NEK9: variants seen among roughly 807,000 people sequenced by gnomAD.
NEK9 encodes serine/threonine-protein kinase Nek9.
NEK9 carries 75 observed loss-of-function variants against 123.4 expected under a neutral mutation model. That is an observed-to-expected ratio of 0.61 (90% CI 0.50 to 0.74). NEK9 has a LOEUF of 0.74. Among genes scored for constraint, NEK9 ranks in the 30% least tolerant of loss-of-function variants. NEK9 has a pLI of 0.00. For synonymous variants in NEK9, 438 were observed against 458.7 expected, an observed-to-expected ratio of 0.95 and a Z score of 0.58; for missense variants, 952 against 1,214.4, an observed-to-expected ratio of 0.78 and a Z score of 3.21.
chr14:75,084,870 C>T, intron 21 of NEK9, 184 bp from the exon 22 acceptor site: 1 of 639,442 alleles, frequency 1.6e-6, no homozygotes, highest in Non-Finnish European at 2.6e-6. Context: ...TTTATATTTA[C>T]TGCAGGTAGG....
At chr14:75,090,494 TATC>T (rs1318878350) in intron 19 of NEK9, among the ~76,000 whole-genome samples, 1 of 152,108 alleles carries the variant, frequency 6.6e-6, no homozygotes, top group Admixed American at 6.6e-5. Flanking sequence ...CATACAGATA[TATC>T]ATCCTCTTCT....
intron 19 of NEK9, 55 bp downstream of exon 19, chr14:75,091,215 A>G: frequency 6.9e-7 from 1 of 1,448,264 alleles, no homozygotes; most frequent in Non-Finnish European, 9.4e-7. Flanking sequence ...AGCTCTTTCT[A>G]GTTCCTGCAA....
Position 75,114,336 on chromosome 14 carries a change from T to C in NEK9, c.763-23A>G, listed in dbSNP as rs372408682. On this transcript the variant is annotated intron_variant, in intron 6 of 21. Coordinates refer to ENST00000238616, the MANE Select transcript of NEK9 (RefSeq NM_033116.6). ...GTTCTATGAGAAAATGATGACTGCATTGTTCCTGGTTATATAAAGATGATG... is the reference window on the plus strand; with the variant it reads ...GTTCTATGAGAAAATGATGACTGCACTGTTCCTGGTTATATAAAGATGATG... The C allele has an allele frequency of 3.2e-6, 5 of 1,546,780 alleles. No individual in the cohort carries two copies. The East Asian group carries it at 9.0e-5, about 28-fold the overall frequency.
At chr14:75,124,307 A>G in intron 1 of NEK9, 84 bp from the exon 2 acceptor site, 1 of 1,292,178 alleles carries the variant, frequency 7.7e-7, no homozygotes, top group South Asian at 1.3e-5. Flanking sequence ...GCCTAGAAGG[A>G]AAACTTCCTA....
intron 6 of NEK9, among the ~76,000 whole-genome samples, chr14:75,115,689 T>G (rs370622900): frequency 1.2e-3 from 187 of 152,322 alleles, no homozygotes; most frequent in African/African-American, 4.1e-3. Context: ...CAACTGGATA[T>G]GAATCCACTT....
At chr14:75,097,446 A>G (rs1894427835) in intron 16 of NEK9, among the ~76,000 whole-genome samples, 176 bp from the exon 17 acceptor site, 1 of 152,240 alleles carries the variant, frequency 6.6e-6, no homozygotes, top group Non-Finnish European at 1.5e-5. Flanking sequence ...TTGGGTAAAA[A>G]TGCCCACTCT....
At chr14:75,088,276 G>A (rs1215412626) in intron 20 of NEK9, among the ~76,000 whole-genome samples, 5 of 152,202 alleles carry the variant, frequency 3.3e-5, no homozygotes, top group African/African-American at 1.2e-4. Flanking sequence ...GTGTTAGCCT[G>A]TCAGAAATGT....
rs76638980 is a variant in NEK9, at chr14:75,079,454, A to G, written c.*5110T>C. The G allele has an allele frequency of 3.3e-5, 5 of 152,216 alleles. No homozygotes were observed. The highest frequency in any genetic ancestry group is 1.2e-4 in the African/African-American group (5 of 41,446). 9.4% of individuals were successfully genotyped at this position (152,216 alleles called of 1,614,324 possible). A position where few individuals can be genotyped will look rare whatever the true frequency, so the allele number is the denominator to read the frequency against. On this transcript the variant is annotated 3_prime_UTR_variant, in exon 22 of 22. Transcript: ENST00000238616. The stretch of plus-strand genomic sequence containing the variant: ...GAAACCTCACACAGAGATAATGGAT[A>G]TTTAACCTAATAGGTACATTCCCTA...
intron 18 of NEK9, among the ~76,000 whole-genome samples, chr14:75,093,242 C>T (rs181880450): frequency 8.0e-4 from 122 of 152,204 alleles, no homozygotes; most frequent in Non-Finnish European, 1.5e-3. Context: ...TGAACAGCAC[C>T]GATATGGAAC....
chr14:75,125,820 A>T (rs1005995581), intron 1 of NEK9, among the ~76,000 whole-genome samples: 2 of 152,210 alleles, frequency 1.3e-5, no homozygotes, highest in African/African-American at 4.8e-5. Flanking sequence ...CGACGGATGA[A>T]TCACCTTCAG....
chr14:75,120,624 C>A, intron 3 of NEK9, 44 bp from the exon 4 acceptor site: 3 of 1,463,946 alleles, frequency 2.0e-6, no homozygotes, highest in East Asian at 2.3e-5. Context: ...CAAAAAGCTC[C>A]ATTTAAGTAA....
At chr14:75,106,747 T>G in intron 11 of NEK9, 45 bp from the exon 12 acceptor site, 1 of 1,521,146 alleles carries the variant, frequency 6.6e-7, no homozygotes, top group South Asian at 1.2e-5. Flanking sequence ...ACTGACTTAT[T>G]TTATCTAATC....
At position 75,100,733 on chromosome 14, in the gene NEK9, G is replaced by A. The variant is rs144797626; in HGVS notation, c.2002+259C>T. 3.2e-3 allele frequency among the ~76,000 whole-genome samples: 488 copies of A among 152,262 alleles called. 1 individual carries two copies. Among genetic ancestry groups the A allele is most frequent in the Admixed American group, 5.8e-3 (89 of 15,292 alleles). ...TCTTATAACATTTTACCAAAAAAGT[G>A]AAAGCTGAAATGAAAAAAGGAGGAA... is the stretch of plus-strand genomic sequence containing the variant. On this transcript the variant is annotated intron_variant, in intron 16 of 21. Coordinates refer to ENST00000238616, the MANE Select transcript of NEK9 (RefSeq NM_033116.6).
At chr14:75,091,571 A>T in intron 18 of NEK9, 93 bp from the exon 19 acceptor site, 1 of 1,117,506 alleles carries the variant, frequency 8.9e-7, no homozygotes, top group Non-Finnish European at 1.2e-6. Flanking sequence ...AAAGGTGCCT[A>T]TAAGCTGCAT....
intron 1 of NEK9, among the ~76,000 whole-genome samples, chr14:75,124,650 T>C: frequency 6.6e-6 from 1 of 152,184 alleles, no homozygotes; most frequent in East Asian, 1.9e-4. Context: ...TCTAGTTTTA[T>C]AAATTTAGAC....
At chr14:75,124,975 G>A (rs887597886) in intron 1 of NEK9, among the ~76,000 whole-genome samples, 2 of 144,866 alleles carry the variant, frequency 1.4e-5, no homozygotes, top group African/African-American at 2.6e-5. Context: ...GGGTATCACT[G>A]TGTTGCCCAG....
intron 5 of NEK9, among the ~76,000 whole-genome samples, chr14:75,118,336 A>C (rs772207020): frequency 6.6e-6 from 1 of 152,234 alleles, no homozygotes; most frequent in Non-Finnish European, 1.5e-5. Context: ...AGATCAACTT[A>C]TGTCTACTCT....
intron 6 of NEK9, among the ~76,000 whole-genome samples, chr14:75,116,968 C>G (rs1895162500): frequency 6.6e-6 from 1 of 152,098 alleles, no homozygotes. Context: ...CCGGGGTGAC[C>G]TCAAGTGATC....
intron 13 of NEK9, 38 bp downstream of exon 13, chr14:75,105,912 T>C: frequency 2.0e-6 from 3 of 1,525,744 alleles, no homozygotes; most frequent in Non-Finnish European, 2.7e-6. Context: ...CTGTGCGACT[T>C]AAGATAGGTT....
Sources: gnomAD v4.1 joint callset for allele counts (sites outside exome capture counted in the v4.1 genomes callset) on GRCh38, gnomAD v4.1.1 for gene constraint, MANE v1.5 for transcripts, NCBI Gene and HGNC (gene_info 2026-07-23, HGNC 2026-07-21) for gene names.